The following PDE11A variants were observed in gnomAD, a reference collection of about 807,000 sequenced individuals.
The protein encoded by PDE11A is phosphodiesterase 11A.
Under a neutral mutation model 100.5 loss-of-function variants are expected in PDE11A, and 100 were observed. The observed-to-expected ratio is 1.00, with a 90% CI of 0.85 to 1.18. The LOEUF is 1.18. PDE11A is among the 50% of genes most tolerant of loss of function. PDE11A has a pLI of 0.00. For missense variants in PDE11A, 1,141 were observed against 1,152.6 expected (o/e 0.99, Z 0.15); for synonymous variants, 381 against 420.8 (o/e 0.91, Z 1.16).
chr2:177,928,104 CAAAAAA>C (rs59085357), intron 2 of PDE11A, among the ~76,000 whole-genome samples: 51 of 56,414 alleles, frequency 9.0e-4, no homozygotes, highest in African/African-American at 2.5e-3. Context: ...AACTCCATCT[CAAAAAA>C]AAAAAAAAAA....
chr2:178,071,469 A>C, intron 1 of PDE11A, 57 bp downstream of exon 1: 1 of 1,608,678 alleles, frequency 6.2e-7, no homozygotes, highest in Non-Finnish European at 8.5e-7. Flanking sequence ...TGATAACCGA[A>C]GGCTTATCTC....
rs555439920 is a variant in PDE11A at position 177,935,892 on chromosome 2, T to A, written c.1072-30705A>T. Among the ~76,000 whole-genome samples the A allele has an allele frequency of 1.0e-3, 155 of 152,290 alleles. 1 individual carries two copies. The Middle Eastern group carries it at 0.01, about 10-fold the overall frequency. The stretch of plus-strand genomic sequence containing the variant: ...CAGAAAGACCAGAATACCTAAGGAA[T>A]TGGCCATTCAACACAGCAACCTGAT... On this transcript the variant is annotated intron_variant, in intron 2 of 19. Transcript: ENST00000286063.
chr2:178,085,546 A>AT (rs958670626), intron 2 of PDE11A, among the ~76,000 whole-genome samples: 35 of 152,152 alleles, frequency 2.3e-4, no homozygotes, highest in Admixed American at 2.0e-3. Context: ...AAATAAAAAA[A>AT]AAAATAAACC....
At chr2:177,878,033 T>A (rs1388483766) in intron 4 of PDE11A, among the ~76,000 whole-genome samples, 2 of 152,092 alleles carry the variant, frequency 1.3e-5, no homozygotes, top group African/African-American at 4.8e-5. Flanking sequence ...GGTAATGAAC[T>A]CAAGCTAGGC....
intron 2 of PDE11A, among the ~76,000 whole-genome samples, chr2:177,911,650 G>A (rs377024018): frequency 3.9e-5 from 6 of 152,148 alleles, no homozygotes; most frequent in South Asian, 2.1e-4. Context: ...TTGGGAGGCC[G>A]AGGCAGGTGG....
At chr2:177,705,321 T>C (rs2081263172) in intron 13 of PDE11A, among the ~76,000 whole-genome samples, 1 of 152,204 alleles carries the variant, frequency 6.6e-6, no homozygotes, top group Non-Finnish European at 1.5e-5. Flanking sequence ...ATATCCATCA[T>C]ATAAGTGTCT....
intron 14 of PDE11A, among the ~76,000 whole-genome samples, chr2:177,698,812 G>A (rs1559148700): frequency 6.6e-6 from 1 of 152,158 alleles, no homozygotes; most frequent in Non-Finnish European, 1.5e-5. Context: ...AAGGAATGCT[G>A]CACCATAATT....
At chr2:177,809,568 T>C (rs184997128) in intron 9 of PDE11A, among the ~76,000 whole-genome samples, 46 of 146,626 alleles carry the variant, frequency 3.1e-4, no homozygotes, top group Admixed American at 1.8e-3. Flanking sequence ...AGTTAGGAAA[T>C]CCTAAGACTT....
chr2:177,893,027 T>A (rs960978811), intron 4 of PDE11A, among the ~76,000 whole-genome samples: 1 of 152,120 alleles, frequency 6.6e-6, no homozygotes, highest in Non-Finnish European at 1.5e-5. Flanking sequence ...CCACCTGCTC[T>A]CCAATGCCCA....
At chr2:177,795,995 G>A (rs1407829898) in intron 9 of PDE11A, among the ~76,000 whole-genome samples, 1 of 127,940 alleles carries the variant, frequency 7.8e-6, no homozygotes, top group African/African-American at 2.7e-5. Context: ...TAAGATGCCA[G>A]TATGGGGCTT....
At chr2:177,931,833 T>C (rs1213251643) in intron 2 of PDE11A, among the ~76,000 whole-genome samples, 2 of 126,608 alleles carry the variant, frequency 1.6e-5, no homozygotes, top group Non-Finnish European at 3.3e-5. Flanking sequence ...GACCCAAAAA[T>C]CCACACAAAG....
At chr2:177,850,414 C>T (rs1018731357) in intron 5 of PDE11A, among the ~76,000 whole-genome samples, 6 of 152,082 alleles carry the variant, frequency 3.9e-5, no homozygotes, top group African/African-American at 1.4e-4. Context: ...AAATGTTAGA[C>T]CTAAAACCAT....
rs1217201646 is a variant in PDE11A at position 177,709,211 on chromosome 2, A to G, written c.2153+2558T>C. ...GAACTGGAACACTATTCTAAAAGCC[A>G]CAGGAGATGTGGATGGCTTTTAAGC... is the stretch of plus-strand genomic sequence containing the variant. On this transcript the variant is annotated intron_variant, in intron 13 of 19. Transcript: ENST00000286063. 4.6e-5 allele frequency among the ~76,000 whole-genome samples: 7 copies of G among 152,350 alleles called. No homozygotes were observed. In the East Asian group the frequency reaches 1.3e-3, roughly 29 times the overall value.
intron 4 of PDE11A, among the ~76,000 whole-genome samples, chr2:177,876,759 C>T (rs1558986789): frequency 6.7e-6 from 1 of 148,184 alleles, no homozygotes; most frequent in African/African-American, 2.6e-5. Flanking sequence ...CTCTCTGATG[C>T]TAGAGTGCTA....
chr2:177,973,227 T>C (rs369836066), intron 2 of PDE11A, among the ~76,000 whole-genome samples: 1 of 135,220 alleles, frequency 7.4e-6, no homozygotes, highest in South Asian at 2.8e-4. Context: ...CCAGTGTGTG[T>C]GCGCACCGTG....
chr2:178,064,093 G>A (rs2087008167), intron 1 of PDE11A, among the ~76,000 whole-genome samples: 1 of 152,058 alleles, frequency 6.6e-6, no homozygotes, highest in African/African-American at 2.4e-5. Context: ...AATACTATGG[G>A]GTAGACATGT....
At chr2:177,812,162 A>AT (rs896780498) in intron 9 of PDE11A, among the ~76,000 whole-genome samples, 2 of 151,792 alleles carry the variant, frequency 1.3e-5, no homozygotes, top group African/African-American at 2.4e-5. Context: ...AGGCTTGAAA[A>AT]TTTTTTTTTA....
chr2:177,631,395 C>T (rs759216521), intron 19 of PDE11A, among the ~76,000 whole-genome samples: 5 of 134,824 alleles, frequency 3.7e-5, no homozygotes, highest in Admixed American at 1.6e-4. Flanking sequence ...GCAGGAGAAT[C>T]GCTTGAACCC....
intron 2 of PDE11A, among the ~76,000 whole-genome samples, chr2:177,929,000 G>A (rs1457559150): frequency 1.3e-5 from 2 of 151,408 alleles, no homozygotes; most frequent in Non-Finnish European, 3.0e-5. Context: ...GGTCGACATG[G>A]GGGGATGATT....
Sources: gnomAD v4.1 joint callset for allele counts (sites outside exome capture counted in the v4.1 genomes callset) on GRCh38, gnomAD v4.1.1 for gene constraint, MANE v1.5 for transcripts, NCBI Gene and HGNC (gene_info 2026-07-23, HGNC 2026-07-21) for gene names.